PCDH7: variants seen among roughly 807,000 people sequenced by gnomAD.
PCDH7 encodes protocadherin 7.
PCDH7 carries 17 observed loss-of-function variants against 58.9 expected under a neutral mutation model. The ratio of observed to expected loss-of-function variants is 0.29; its 90% CI spans 0.20 to 0.43. The LOEUF (loss-of-function observed/expected upper bound fraction) is 0.43, where lower values mean the gene tolerates loss of function less well. Among genes scored for constraint, PCDH7 ranks in the 20% least tolerant of loss-of-function variants. The pLI is 1.00. For synonymous variants in PCDH7, 664 were observed against 616.4 expected (o/e 1.08, Z -1.14); for missense variants, 1,274 against 1,441.0 (o/e 0.88, Z 1.88).
intron 3 of PCDH7, among the ~76,000 whole-genome samples, chr4:31,104,134 T>C (rs905515623): frequency 6.6e-6 from 1 of 152,204 alleles, no homozygotes; most frequent in Non-Finnish European, 1.5e-5. Context: ...AGAAAGTGCA[T>C]TGCAGTTAAA....
intron 3 of PCDH7, among the ~76,000 whole-genome samples, chr4:30,980,000 T>A (rs61792876): frequency 6.6e-6 from 1 of 151,992 alleles, no homozygotes; most frequent in Non-Finnish European, 1.5e-5. Flanking sequence ...TTTGTCACAG[T>A]GATTTTAACA....
At chr4:30,935,266 A>G (rs376103227) in intron 2 of PCDH7, 5 of 751,636 alleles carry the variant, frequency 6.7e-6, no homozygotes, top group Middle Eastern at 6.7e-4. Flanking sequence ...CAGACTTGCA[A>G]TGTTCATAAT....
intron 3 of PCDH7, among the ~76,000 whole-genome samples, chr4:31,004,435 C>T (rs1022072932): frequency 1.2e-4 from 19 of 152,042 alleles, no homozygotes; most frequent in African/African-American, 4.3e-4. Flanking sequence ...TAAGGCCGGG[C>T]GTGGTGGCTT....
At chr4:31,087,859 TG>T (rs1183514585) in intron 3 of PCDH7, among the ~76,000 whole-genome samples, 1 of 152,102 alleles carries the variant, frequency 6.6e-6, no homozygotes, top group African/African-American at 2.4e-5. Flanking sequence ...ATTATTAACA[TG>T]TAGTAGGTGC....
At position 30,824,144 on chromosome 4, in the gene PCDH7, T is replaced by G. The variant is rs191034281; in HGVS notation, c.71-96009T>G. On this transcript the variant is annotated intron_variant, in intron 1 of 3. Coordinates refer to the PCDH7 transcript ENST00000509759. The stretch of plus-strand genomic sequence containing the variant: ...CTTTCTTTCTTTCTTTCTTTCTTTC[T>G]TTCTTTCTTTCTTTCTTTTTGCTTC... Among the ~76,000 whole-genome samples, 727 of 147,850 alleles carry G rather than the reference T, an allele frequency of 4.9e-3. 6 individuals are homozygous for G. Among genetic ancestry groups the G allele is most frequent in the African/African-American group, 0.016 (658 of 40,010 alleles).
At chr4:31,035,681 A>G (rs1205874467) in intron 3 of PCDH7, among the ~76,000 whole-genome samples, 4 of 152,172 alleles carry the variant, frequency 2.6e-5, no homozygotes, top group Admixed American at 2.6e-4. Context: ...TAATTCCCCA[A>G]ATGGTAGTGC....
At chr4:30,881,864 G>A (rs895365097) in intron 1 of PCDH7, among the ~76,000 whole-genome samples, 2 of 152,054 alleles carry the variant, frequency 1.3e-5, no homozygotes, top group Non-Finnish European at 2.9e-5. Context: ...TTAATCTGAA[G>A]TATTTTTTTC....
chr4:30,736,628 C>T (rs1716327974), downstream of PCDH7, among the ~76,000 whole-genome samples: 1 of 151,202 alleles, frequency 6.6e-6, no homozygotes, highest in African/African-American at 2.4e-5. Context: ...CTCCGCCTCC[C>T]GGATTCGCGC....
At chr4:31,142,842 A>C in exon 4 of PCDH7, 2 of 1,363,062 alleles carry the variant, frequency 1.5e-6, no homozygotes, top group Non-Finnish European at 2.0e-6. Context: ...AGAGAAGTTT[A>C]CCTGTAGGCT....
At chr4:30,806,190 A>G (rs142996644) in intron 1 of PCDH7, among the ~76,000 whole-genome samples, 7 of 152,242 alleles carry the variant, frequency 4.6e-5, no homozygotes, top group African/African-American at 1.7e-4. Flanking sequence ...AGTCCCCCAA[A>G]TTGGTACAAG....
intron 2 of PCDH7, among the ~76,000 whole-genome samples, chr4:30,945,149 T>A (rs796301924): frequency 6.6e-6 from 1 of 152,040 alleles, no homozygotes. Context: ...ATGAGCATCT[T>A]CAGTTAGAAG....
At chr4:31,129,971 G>A in intron 3 of PCDH7, among the ~76,000 whole-genome samples, 1 of 151,888 alleles carries the variant, frequency 6.6e-6, no homozygotes. Flanking sequence ...TAATCACTAG[G>A]AGGGAAACAG....
At chr4:30,969,237 A>G (rs186852931) in intron 3 of PCDH7, among the ~76,000 whole-genome samples, 4 of 152,256 alleles carry the variant, frequency 2.6e-5, no homozygotes, top group Non-Finnish European at 5.9e-5. Flanking sequence ...TCACCCCTAT[A>G]CAATGCATAA....
intron 1 of PCDH7, among the ~76,000 whole-genome samples, chr4:30,755,109 C>T (rs965449539): frequency 6.6e-6 from 1 of 152,128 alleles, no homozygotes; most frequent in African/African-American, 2.4e-5. Flanking sequence ...TAGCTGACTC[C>T]AGAGCTTCTT....
intron 3 of PCDH7, among the ~76,000 whole-genome samples, chr4:31,030,768 G>A (rs1197785564): frequency 6.6e-6 from 1 of 152,054 alleles, no homozygotes; most frequent in South Asian, 2.1e-4. Context: ...AAAGACAATA[G>A]AACTTGTCTA....
At chr4:30,862,032 CA>C (rs1734273087) in intron 1 of PCDH7, among the ~76,000 whole-genome samples, 1 of 152,102 alleles carries the variant, frequency 6.6e-6, no homozygotes, top group South Asian at 2.1e-4. Flanking sequence ...AAAGGGACTA[CA>C]GAAATGATAT....
intron 3 of PCDH7, among the ~76,000 whole-genome samples, chr4:31,015,368 G>A (rs7696101): frequency 0.39 from 59,118 of 151,918 alleles, 13,659 homozygotes; most frequent in African/African-American, 0.64. Flanking sequence ...GAAATCCCAC[G>A]TGATGATTCC....
chr4:30,890,436 T>C (rs896735779), intron 1 of PCDH7, among the ~76,000 whole-genome samples: 4 of 111,366 alleles, frequency 3.6e-5, no homozygotes, highest in Non-Finnish European at 6.0e-5. Context: ...CTTTGTTTTA[T>C]GTGTCTGCTA....
intron 1 of PCDH7, among the ~76,000 whole-genome samples, chr4:30,851,642 G>A (rs1299103538): frequency 6.6e-6 from 1 of 151,954 alleles, no homozygotes; most frequent in Admixed American, 6.6e-5. Flanking sequence ...TGTGAAAGAT[G>A]CCTTTTGGAA....
Sources: allele counts gnomAD v4.1 joint callset (sites outside exome capture counted in the v4.1 genomes callset), GRCh38; gene constraint gnomAD v4.1.1; transcripts MANE v1.5; gene names NCBI Gene and HGNC (gene_info 2026-07-23, HGNC 2026-07-21).